The following CRACD variants were observed in gnomAD, a reference collection of about 807,000 sequenced individuals.
The protein encoded by CRACD is capping protein-inhibiting regulator of actin dynamics.
Under a neutral mutation model 106.8 loss-of-function variants are expected in CRACD, and 56 were observed. The observed-to-expected ratio is 0.52, with a 90% CI of 0.42 to 0.66. The LOEUF (loss-of-function observed/expected upper bound fraction) is 0.66, where lower values mean the gene tolerates loss of function less well. CRACD is among the 30% of genes least tolerant of loss of function. The pLI, the probability that CRACD is intolerant of heterozygous loss-of-function variation, is 0.00. For synonymous variants in CRACD, 754 were observed against 670.8 expected (o/e 1.12, Z -1.92); for missense variants, 1,730 against 1,623.2 (o/e 1.07, Z -1.13).
At chr4:56,283,564 A>C (rs1467927523) in intron 3 of CRACD, among the ~76,000 whole-genome samples, 1 of 151,958 alleles carries the variant, frequency 6.6e-6, no homozygotes, top group Admixed American at 6.6e-5. Flanking sequence ...CTGGCCAATC[A>C]CATGTTCTCC....
intron 2 of CRACD, among the ~76,000 whole-genome samples, chr4:56,237,341 G>T (rs1740038191): frequency 6.6e-6 from 1 of 151,970 alleles, no homozygotes; most frequent in Admixed American, 6.6e-5. Flanking sequence ...AATTTAAAGA[G>T]ACCCAGGCAT....
chr4:56,105,401 AGGT>A (rs1297892726), intron 1 of CRACD, among the ~76,000 whole-genome samples: 2 of 152,150 alleles, frequency 1.3e-5, no homozygotes, highest in Non-Finnish European at 2.9e-5. Flanking sequence ...TGGGAGGTTG[AGGT>A]GGAAGGATCG....
At position 56,191,047 on chromosome 4, in the gene CRACD, C is replaced by A. The variant is rs1244426767; in HGVS notation, c.-189+11617C>A. Among the ~76,000 whole-genome samples the A allele has an allele frequency of 2.0e-5, 3 of 152,094 alleles. No individual in the cohort carries two copies. The East Asian group carries it at 5.8e-4, about 29-fold the overall frequency. ...AGCCAAACCATATCATGGGACTTCT[C>A]AAATTGTAGGCATTGAGGAGATAAA... On this transcript the variant is annotated intron_variant, in intron 2 of 10. Coordinates refer to ENST00000682029, the MANE Select transcript of CRACD (RefSeq NM_001393381.1).
At chr4:56,153,724 A>C (rs149050413) in intron 1 of CRACD, among the ~76,000 whole-genome samples, 1 of 152,278 alleles carries the variant, frequency 6.6e-6, no homozygotes, top group Non-Finnish European at 1.5e-5. Flanking sequence ...GCCACATCTC[A>C]TGTTCCTCTT....
At chr4:56,170,343 G>T (rs1024682286) in intron 1 of CRACD, 1 of 152,306 alleles carries the variant, frequency 6.6e-6, no homozygotes, top group East Asian at 1.9e-4. Flanking sequence ...AGTGGTAGTG[G>T]CAATGTTAAG....
intron 1 of CRACD, among the ~76,000 whole-genome samples, chr4:56,140,089 T>A (rs576417130): frequency 3.4e-4 from 52 of 152,326 alleles, no homozygotes; most frequent in African/African-American, 1.2e-3. Context: ...GAGGACACAG[T>A]CAATTTTCTT....
chr4:56,305,872 A>G (rs149219605), intron 4 of CRACD, among the ~76,000 whole-genome samples: 34 of 152,324 alleles, frequency 2.2e-4, no homozygotes, highest in African/African-American at 7.9e-4. Flanking sequence ...GTTCAAAGGG[A>G]GAGAAGACAT....
chr4:56,284,837 C>T (rs1378006243), intron 3 of CRACD, among the ~76,000 whole-genome samples: 1 of 152,152 alleles, frequency 6.6e-6, no homozygotes, highest in African/African-American at 2.4e-5. Context: ...TAAGGTCAAA[C>T]AGCATGAGAT....
At chr4:56,159,668 A>G (rs144140524) in intron 1 of CRACD, among the ~76,000 whole-genome samples, 3 of 152,276 alleles carry the variant, frequency 2.0e-5, no homozygotes, top group African/African-American at 7.2e-5. Context: ...AAGCAAAACA[A>G]AAAACAATAG....
intron 1 of CRACD, among the ~76,000 whole-genome samples, chr4:56,059,678 T>C (rs1324542779): frequency 6.6e-6 from 1 of 152,106 alleles, no homozygotes; most frequent in Admixed American, 6.6e-5. Context: ...AACTATTTTG[T>C]TGTGCTTTGT....
At chr4:56,284,482 T>G (rs1355140689) in intron 3 of CRACD, among the ~76,000 whole-genome samples, 1 of 152,178 alleles carries the variant, frequency 6.6e-6, no homozygotes, top group East Asian at 1.9e-4. Flanking sequence ...CCCAACACTT[T>G]GGGAGGCTGA....
At chr4:56,069,151 A>G (rs978569508) in intron 1 of CRACD, among the ~76,000 whole-genome samples, 6 of 152,184 alleles carry the variant, frequency 3.9e-5, no homozygotes, top group African/African-American at 7.2e-5. Flanking sequence ...CTGTGGCCCC[A>G]CTGACACCTC....
intron 2 of CRACD, among the ~76,000 whole-genome samples, chr4:56,230,162 T>C (rs1259743302): frequency 6.6e-6 from 1 of 152,194 alleles, no homozygotes; most frequent in Non-Finnish European, 1.5e-5. Context: ...TCTTCCTCTT[T>C]GTGGTTTTAA....
chr4:56,111,126 A>C (rs1734108277), intron 1 of CRACD, among the ~76,000 whole-genome samples: 1 of 152,224 alleles, frequency 6.6e-6, no homozygotes. Context: ...TTATATAGTA[A>C]TGATGTAAAC....
intron 2 of CRACD, among the ~76,000 whole-genome samples, chr4:56,264,848 T>C (rs1217676762): frequency 1.3e-5 from 2 of 152,234 alleles, no homozygotes. Flanking sequence ...CTTCACAATT[T>C]ATGTTCTTCT....
At chr4:56,309,937 T>C (rs766770508) in intron 5 of CRACD, among the ~76,000 whole-genome samples, 1 of 151,286 alleles carries the variant, frequency 6.6e-6, no homozygotes, top group Non-Finnish European at 1.5e-5. Flanking sequence ...GGCTGAGGCT[T>C]GAGCCCAGGA....
chr4:56,236,716 C>G (rs1739986575), intron 2 of CRACD, among the ~76,000 whole-genome samples: 1 of 146,224 alleles, frequency 6.8e-6, no homozygotes, highest in Non-Finnish European at 1.5e-5. Context: ...TAGATGCAAC[C>G]AATAAAAATA....
intron 1 of CRACD, among the ~76,000 whole-genome samples, chr4:56,162,309 C>G (rs1020513902): frequency 6.6e-6 from 1 of 152,078 alleles, no homozygotes; most frequent in African/African-American, 2.4e-5. Flanking sequence ...ATTCTCCCGC[C>G]TCACCCTCCC....
intron 4 of CRACD, among the ~76,000 whole-genome samples, chr4:56,303,665 G>A (rs780828865): frequency 6.6e-6 from 1 of 152,220 alleles, no homozygotes; most frequent in Non-Finnish European, 1.5e-5. Context: ...CTCTGAGTTG[G>A]CTGAAGGAAG....
Sources: gnomAD v4.1 joint callset for allele counts (sites outside exome capture counted in the v4.1 genomes callset) on GRCh38, gnomAD v4.1.1 for gene constraint, MANE v1.5 for transcripts, NCBI Gene and HGNC (gene_info 2026-07-23, HGNC 2026-07-21) for gene names.